The following POLN variants were observed in gnomAD, a reference collection of about 807,000 sequenced individuals.
POLN encodes the protein DNA polymerase N.
A neutral mutation model predicts 113.5 loss-of-function variants in POLN; 108 were observed. The ratio of observed to expected loss-of-function variants is 0.95; its 90% CI spans 0.81 to 1.12. The LOEUF (loss-of-function observed/expected upper bound fraction) is 1.12. Among genes scored for constraint, POLN ranks in the 50% most tolerant of loss-of-function variants. The probability of loss-of-function intolerance (pLI) is 0.00; values close to 1 mark genes in which losing one functional copy is unlikely to be tolerated. For missense variants in POLN, 1,097 were observed against 1,077.1 expected (o/e 1.02, Z -0.26); for synonymous variants, 386 against 391.5 (o/e 0.99, Z 0.17).
Position 2,146,634 on chromosome 4 carries a change from G to T in POLN, c.1731+10154C>A, listed in dbSNP as rs572222272. The stretch of plus-strand genomic sequence containing the variant: ...GGGGTATCTCACTGAGCTCTGGTGT[G>T]GGGAGGGGCAGGCAGATAGGGGCAG... On this transcript the variant is annotated intron_variant, in intron 16 of 25. Coordinates refer to ENST00000511885, the MANE Select transcript of POLN (RefSeq NM_181808.4). Among the ~76,000 whole-genome samples the T allele has an allele frequency of 1.9e-4, 29 of 152,310 alleles. 1 individual carries two copies. The highest frequency in any genetic ancestry group is 6.7e-4 in the African/African-American group (28 of 41,560).
intron 20 of POLN, chr4:2,090,071 C>A: frequency 1.1e-6 from 1 of 912,870 alleles, no homozygotes; most frequent in Non-Finnish European, 1.7e-6. Context: ...TATTTTCCTA[C>A]TGAGCTAGAA....
chr4:2,075,560 G>A (rs1730255438), intron 23 of POLN, 41 bp from the exon 24 acceptor site: 17 of 1,601,574 alleles, frequency 1.1e-5, no homozygotes, highest in African/African-American at 2.7e-5. Context: ...GGCCAGGACT[G>A]TGGGGCGTGG....
At position 2,139,839 on chromosome 4, in the gene POLN, A is replaced by T. The variant is rs117710502; in HGVS notation, c.1732-8549T>A. ...CTTCAGAATAGCACTTATATCATTT[A>T]TGTGGGTCCTAATGAAAACAGAGCC... On this transcript the variant is annotated intron_variant, in intron 16 of 25. Transcript: ENST00000511885. The T allele has an allele frequency of 4.6e-5, 7 of 152,122 alleles. No individual in the cohort carries two copies. In the East Asian group the frequency reaches 1.4e-3, roughly 30 times the overall value. 9.4% of individuals were successfully genotyped at this position (152,122 alleles called of 1,614,324 possible).
intron 2 of POLN, chr4:2,239,061 ATTACAT>A (rs762844386): frequency 4.4e-6 from 6 of 1,373,110 alleles, no homozygotes; most frequent in Middle Eastern, 3.8e-4. Flanking sequence ...AAGAAAAGCA[ATTACAT>A]TTCAAACTGT....
chr4:2,190,595 A>G (rs1300086412), intron 7 of POLN, among the ~76,000 whole-genome samples: 1 of 152,216 alleles, frequency 6.6e-6, no homozygotes, highest in East Asian at 1.9e-4. Flanking sequence ...CAGACAACTC[A>G]CAGAATGGAA....
chr4:2,234,101 T>C (rs1734675107), intron 2 of POLN: 1 of 152,100 alleles, frequency 6.6e-6, no homozygotes, highest in Admixed American at 6.5e-5. Flanking sequence ...AATAACCAGC[T>C]ACAAAATTGA....
intron 7 of POLN, among the ~76,000 whole-genome samples, chr4:2,182,046 T>C (rs1463068779): frequency 2.6e-5 from 4 of 151,478 alleles, no homozygotes; most frequent in African/African-American, 9.7e-5. Context: ...GACATATACA[T>C]AATCAATACA....
chr4:2,116,531 T>C (rs1363827525), intron 19 of POLN, among the ~76,000 whole-genome samples: 1 of 145,978 alleles, frequency 6.9e-6, no homozygotes, highest in Non-Finnish European at 1.5e-5. Context: ...AATTAATCCT[T>C]CTTCTCATGA....
At chr4:2,119,345 G>C (rs189034384) in intron 19 of POLN, among the ~76,000 whole-genome samples, 78 of 152,292 alleles carry the variant, frequency 5.1e-4, no homozygotes, top group East Asian at 5.8e-4. Context: ...CTTGAAGAAG[G>C]CGCCTTAATG....
At chr4:2,225,228 T>C (rs1333541882) in intron 3 of POLN, among the ~76,000 whole-genome samples, 1 of 152,068 alleles carries the variant, frequency 6.6e-6, no homozygotes, top group Non-Finnish European at 1.5e-5. Flanking sequence ...AAAAAAACCT[T>C]GAACCTTCTC....
intron 16 of POLN, among the ~76,000 whole-genome samples, chr4:2,154,200 A>C (rs1732367970): frequency 3.5e-5 from 1 of 28,354 alleles, no homozygotes; most frequent in African/African-American, 6.1e-5. Flanking sequence ...CATCTCAACA[A>C]AAAAAAAAAA....
At chr4:2,218,063 A>G (rs1237571627) in intron 3 of POLN, among the ~76,000 whole-genome samples, 1 of 152,168 alleles carries the variant, frequency 6.6e-6, no homozygotes, top group African/African-American at 2.4e-5. Flanking sequence ...ACTGAAGCAG[A>G]TCACTTTGAC....
intron 19 of POLN, among the ~76,000 whole-genome samples, chr4:2,108,253 A>G (rs554586063): frequency 6.6e-6 from 1 of 152,176 alleles, no homozygotes; most frequent in African/African-American, 2.4e-5. Context: ...ATCAGACTGT[A>G]TGGGTAAGGA....
intron 19 of POLN, among the ~76,000 whole-genome samples, chr4:2,112,844 T>C (rs1393547026): frequency 6.6e-6 from 1 of 152,184 alleles, no homozygotes; most frequent in East Asian, 1.9e-4. Flanking sequence ...CTCAGGGATC[T>C]AGAACTAGAA....
chr4:2,238,538 A>T, intron 2 of POLN: 1 of 1,049,830 alleles, frequency 9.5e-7, no homozygotes, highest in Non-Finnish European at 1.3e-6. Context: ...TTTAGCTCAA[A>T]CTCTCTCTAG....
At chr4:2,178,181 C>T (rs1439799988) in intron 8 of POLN, among the ~76,000 whole-genome samples, 1 of 152,098 alleles carries the variant, frequency 6.6e-6, no homozygotes, top group Admixed American at 6.5e-5. Context: ...TCACCTCTTA[C>T]CCCCAGCTCA....
chr4:2,125,048 C>T (rs959688784), intron 19 of POLN, among the ~76,000 whole-genome samples: 1 of 152,070 alleles, frequency 6.6e-6, no homozygotes, highest in South Asian at 2.1e-4. Context: ...TTAGGGCAAT[C>T]CTAAAGCAGG....
chr4:2,095,999 C>T, intron 19 of POLN, 66 bp from the exon 20 acceptor site: 1 of 1,288,648 alleles, frequency 7.8e-7, no homozygotes, highest in East Asian at 2.3e-5. Context: ...GCAGACAGTC[C>T]AACCACACAC....
At chr4:2,134,010 TC>T (rs757276209) in intron 16 of POLN, among the ~76,000 whole-genome samples, 13 of 152,168 alleles carry the variant, frequency 8.5e-5, no homozygotes, top group Admixed American at 4.6e-4. Flanking sequence ...TCCAACCTCA[TC>T]CCCAAGTGCC....
Sources: gnomAD v4.1 joint callset for allele counts (sites outside exome capture counted in the v4.1 genomes callset) on GRCh38, gnomAD v4.1.1 for gene constraint, MANE v1.5 for transcripts, NCBI Gene and HGNC (gene_info 2026-07-23, HGNC 2026-07-21) for gene names.